ATG7: variants seen among roughly 807,000 people sequenced by gnomAD.
ATG7 encodes ubiquitin-like modifier-activating enzyme ATG7.
ATG7 carries 70 observed loss-of-function variants against 82.4 expected under a neutral mutation model. That is an observed-to-expected ratio of 0.85 (90% CI 0.70 to 1.04). The LOEUF is 1.04. Among genes scored for constraint, ATG7 ranks in the 50% least tolerant of loss-of-function variants. The pLI is 0.00. For missense variants in ATG7, 792 were observed against 864.3 expected (o/e 0.92, Z 1.05); for synonymous variants, 287 against 313.0 (o/e 0.92, Z 0.88).
chr3:11,402,979 G>A (rs6784883), intron 19 of ATG7, among the ~76,000 whole-genome samples: 78,026 of 151,980 alleles, frequency 0.51, 20,923 homozygotes, highest in East Asian at 0.68. Flanking sequence ...ATTAAAACCA[G>A]GAATCTATTC....
At chr3:11,288,333 A>G (rs1203824259) in intron 3 of ATG7, among the ~76,000 whole-genome samples, 1 of 152,114 alleles carries the variant, frequency 6.6e-6, no homozygotes, top group African/African-American at 2.4e-5. Flanking sequence ...GCGAAAAGAG[A>G]GCTATTATTT....
At chr3:11,512,081 A>ACC (rs1559780955) in intron 20 of ATG7, among the ~76,000 whole-genome samples, 1 of 152,158 alleles carries the variant, frequency 6.6e-6, no homozygotes, top group African/African-American at 2.4e-5. Flanking sequence ...CTCAAATGCC[A>ACC]CCAAAGTGGG....
At chr3:11,434,444 CTG>C (rs988514749) in intron 20 of ATG7, among the ~76,000 whole-genome samples, 1 of 152,184 alleles carries the variant, frequency 6.6e-6, no homozygotes, top group Non-Finnish European at 1.5e-5. Context: ...CATCCTGGGA[CTG>C]TGCCCTGCCT....
At chr3:11,454,373 A>C (rs2085490992) in intron 20 of ATG7, among the ~76,000 whole-genome samples, 1 of 152,192 alleles carries the variant, frequency 6.6e-6, no homozygotes, top group African/African-American at 2.4e-5. Context: ...AATCTTAACC[A>C]ATGAGGTATG....
chr3:11,554,818 A>C lies in ATG7; in HGVS notation c.2087A>C (p.Asp696Ala). 2 of 1,613,428 alleles carry C rather than the reference A, an allele frequency of 1.2e-6. No homozygotes were observed. The highest frequency in any genetic ancestry group is 1.7e-6 in the Non-Finnish European group (2 of 1,179,762). ...HQETQAAEIWDMSDDETI is the reference protein window; with the variant it reads ...HQETQAAEIWAMSDDETI Reference sequence around the variant, plus strand: ...CTCCCCTTCTCCATGCAGATCTGGGACATGAGCGATGATGAGACCATCTGA... The same window carrying C: ...CTCCCCTTCTCCATGCAGATCTGGGCCATGAGCGATGATGAGACCATCTGA... The change falls in exon 21 of 21, where the codon GAC becomes GCC. Residue 696 changes from aspartate (D) to alanine (A), a missense_variant. By Grantham distance (126) the Asp-to-Ala change is moderately radical (BLOSUM62 -2). Coordinates refer to ENST00000693202, the MANE Select transcript of ATG7 (RefSeq NM_001349232.2).
chr3:11,401,963 T>G (rs1356465531), intron 19 of ATG7, among the ~76,000 whole-genome samples: 1 of 152,244 alleles, frequency 6.6e-6, no homozygotes, highest in Non-Finnish European at 1.5e-5. Flanking sequence ...AACATTTTTA[T>G]GTTGAGGTAA....
At chr3:11,418,872 G>A (rs894911545) in intron 19 of ATG7, among the ~76,000 whole-genome samples, 1 of 152,264 alleles carries the variant, frequency 6.6e-6, no homozygotes, top group Non-Finnish European at 1.5e-5. Context: ...CTTACATGGC[G>A]GCAGGAGAAA....
intron 19 of ATG7, among the ~76,000 whole-genome samples, chr3:11,404,762 C>T (rs2080172576): frequency 6.6e-6 from 1 of 152,098 alleles, no homozygotes; most frequent in African/African-American, 2.4e-5. Flanking sequence ...AAAGGCACAT[C>T]TTATGTGGCA....
At chr3:11,562,110 C>T (rs904811224), downstream of ATG7, among the ~76,000 whole-genome samples, 2 of 152,124 alleles carry the variant, frequency 1.3e-5, no homozygotes, top group Middle Eastern at 3.4e-3. Flanking sequence ...GTTGGCCAGG[C>T]TGGTCTCGAA....
At chr3:11,365,903 C>A (rs2076573046) in intron 18 of ATG7, among the ~76,000 whole-genome samples, 1 of 152,046 alleles carries the variant, frequency 6.6e-6, no homozygotes, top group African/African-American at 2.4e-5. Context: ...GTACCCCAGC[C>A]CCCTTGCACA....
chr3:11,340,235 T>G (rs1322143218), intron 11 of ATG7, among the ~76,000 whole-genome samples: 3 of 152,030 alleles, frequency 2.0e-5, no homozygotes, highest in Non-Finnish European at 4.4e-5. Flanking sequence ...AGTGAAGGGG[T>G]GCTGCAGTTA....
At chr3:11,387,647 G>T (rs1296862068) in intron 19 of ATG7, among the ~76,000 whole-genome samples, 1 of 152,156 alleles carries the variant, frequency 6.6e-6, no homozygotes, top group Non-Finnish European at 1.5e-5. Flanking sequence ...TGTTCAGACT[G>T]ATGAAAGCAG....
intron 14 of ATG7, among the ~76,000 whole-genome samples, chr3:11,353,055 T>A (rs539866067): frequency 6.6e-6 from 1 of 152,360 alleles, no homozygotes; most frequent in South Asian, 2.1e-4. Flanking sequence ...TCCTTACTTG[T>A]TAAGTTATTG....
intron 19 of ATG7, among the ~76,000 whole-genome samples, chr3:11,418,233 T>C (rs1245796165): frequency 6.6e-6 from 1 of 151,396 alleles, no homozygotes; most frequent in Admixed American, 6.6e-5. Flanking sequence ...GTCTCCCAAG[T>C]AGCTGGGACT....
At chr3:11,293,844 C>T (rs1945383368) in intron 3 of ATG7, among the ~76,000 whole-genome samples, 1 of 151,148 alleles carries the variant, frequency 6.6e-6, no homozygotes. Flanking sequence ...GAGCAAGACT[C>T]CGTATCGAGA....
intron 3 of ATG7, among the ~76,000 whole-genome samples, chr3:11,291,704 C>T (rs1439416200): frequency 2.0e-5 from 3 of 152,164 alleles, no homozygotes; most frequent in African/African-American, 4.8e-5. Context: ...AAACAGCAAG[C>T]ACAGTTCATG....
At chr3:11,297,643 C>G (rs1375206) in intron 3 of ATG7, among the ~76,000 whole-genome samples, 80,531 of 151,914 alleles carry the variant, frequency 0.53, 22,268 homozygotes, top group Non-Finnish European at 0.63. Context: ...TATCATGGCA[C>G]AAAATACAAA....
Position 11,309,518 on chromosome 3 carries a change from C to T in ATG7, c.411+457C>T, listed in dbSNP as rs554677360. 1.6e-4 allele frequency among the ~76,000 whole-genome samples: 24 copies of T among 150,472 alleles called. 1 individual carries two copies. The South Asian group carries it at 4.2e-3, about 26-fold the overall frequency. Reference sequence around the variant, plus strand: ...GTAAGCGAAATCTAATTAAAATGAACGTTAAGGGCAGCCTTGAAAAGGAAA... The same window carrying T: ...GTAAGCGAAATCTAATTAAAATGAATGTTAAGGGCAGCCTTGAAAAGGAAA... On this transcript the variant is annotated intron_variant, in intron 7 of 20. Transcript: ENST00000693202.
At chr3:11,284,286 C>T (rs561176798) in intron 3 of ATG7, among the ~76,000 whole-genome samples, 6 of 152,192 alleles carry the variant, frequency 3.9e-5, no homozygotes, top group Non-Finnish European at 7.4e-5. Context: ...AATGGTTGGG[C>T]GGTCTCACTC....
Sources: allele counts gnomAD v4.1 joint callset (sites outside exome capture counted in the v4.1 genomes callset), GRCh38; gene constraint gnomAD v4.1.1; transcripts MANE v1.5; gene names NCBI Gene and HGNC (gene_info 2026-07-23, HGNC 2026-07-21).